NRG3: variants seen among roughly 807,000 people sequenced by gnomAD.
NRG3 encodes the protein neuregulin 3.
A neutral mutation model predicts 66.9 loss-of-function variants in NRG3; 31 were observed. The observed-to-expected ratio is 0.46, with a 90% CI of 0.35 to 0.63. NRG3 has a LOEUF of 0.63. NRG3 is among the 20% of genes least tolerant of loss of function. NRG3 has a pLI of 0.00. For missense variants in NRG3, 910 were observed against 878.9 expected, an observed-to-expected ratio of 1.04 and a Z score of -0.45; for synonymous variants, 393 against 359.4, an observed-to-expected ratio of 1.09 and a Z score of -1.06.
intron 1 of NRG3, among the ~76,000 whole-genome samples, chr10:81,963,151 T>TTTTTTTTTTTG (rs745834169): frequency 1.5e-5 from 2 of 135,452 alleles, no homozygotes; most frequent in African/African-American, 2.8e-5. Context: ...TTTTTTTTTT[T>TTTTTTTTTTTG]GAGACGGAGT....
At position 81,982,827 on chromosome 10, in the gene NRG3, G is replaced by C. The variant is rs2060381383; in HGVS notation, c.823+106664G>C. ...AAATACAGTCACATTCTGAGATTCTGGGAGTTAGCGTTTCAACATATGATT... is the reference window on the plus strand; with the variant it reads ...AAATACAGTCACATTCTGAGATTCTCGGAGTTAGCGTTTCAACATATGATT... On this transcript the variant is annotated intron_variant, in intron 1 of 8. Coordinates refer to ENST00000372141, the MANE Select transcript of NRG3 (RefSeq NM_001010848.4). 2.0e-5 allele frequency among the ~76,000 whole-genome samples: 3 copies of C among 152,144 alleles called. No homozygotes were observed. The South Asian group carries it at 6.2e-4, about 31-fold the overall frequency.
At chr10:82,371,691 T>A (rs2084906503) in intron 2 of NRG3, among the ~76,000 whole-genome samples, 1 of 152,170 alleles carries the variant, frequency 6.6e-6, no homozygotes, top group Non-Finnish European at 1.5e-5. Flanking sequence ...ATGATTCTGA[T>A]AGTTGGGAGG....
chr10:82,648,557 C>G lies in NRG3; in HGVS notation c.954-90020C>G, dbSNP rs1251214809. 2.6e-5 allele frequency among the ~76,000 whole-genome samples: 4 copies of G among 152,188 alleles called. No homozygotes were observed. In the East Asian group the frequency reaches 7.7e-4, roughly 29 times the overall value. ...ATTCTGTGAAGAAAGTCATTGGTAGCTTGATGGGGATGGCATTGAAGCTAT... is the reference window on the plus strand; with the variant it reads ...ATTCTGTGAAGAAAGTCATTGGTAGGTTGATGGGGATGGCATTGAAGCTAT... On this transcript the variant is annotated intron_variant, in intron 2 of 8. Coordinates refer to ENST00000372141, the MANE Select transcript of NRG3 (RefSeq NM_001010848.4).
intron 1 of NRG3, among the ~76,000 whole-genome samples, chr10:82,292,463 A>G (rs2134623121): frequency 2.0e-5 from 3 of 152,334 alleles, no homozygotes; most frequent in African/African-American, 7.2e-5. Flanking sequence ...ATATCATATG[A>G]CACAGTACTT....
chr10:82,611,857 A>T (rs969601971), intron 2 of NRG3, among the ~76,000 whole-genome samples: 1 of 152,168 alleles, frequency 6.6e-6, no homozygotes, highest in African/African-American at 2.4e-5. Context: ...GTCTTCCACC[A>T]TGGTTGAACT....
chr10:82,440,241 T>A (rs897879518), intron 2 of NRG3, among the ~76,000 whole-genome samples: 4 of 152,094 alleles, frequency 2.6e-5, no homozygotes, highest in Admixed American at 1.3e-4. Context: ...TGCCCATATT[T>A]TTTGAAATTT....
chr10:82,303,331 G>T (rs921008008), intron 1 of NRG3, among the ~76,000 whole-genome samples: 1 of 97,102 alleles, frequency 1.0e-5, no homozygotes, highest in African/African-American at 7.9e-5. Context: ...TACTGTGCGT[G>T]TATAAACACA....
intron 1 of NRG3, among the ~76,000 whole-genome samples, chr10:82,177,844 G>A (rs2073145695): frequency 1.3e-5 from 2 of 152,090 alleles, no homozygotes; most frequent in Non-Finnish European, 2.9e-5. Context: ...AAATTAGAAA[G>A]AAATTAAAAA....
At chr10:82,889,675 A>G (rs1842986248) in intron 4 of NRG3, among the ~76,000 whole-genome samples, 2 of 152,206 alleles carry the variant, frequency 1.3e-5, no homozygotes, top group African/African-American at 2.4e-5. Context: ...TCCAGAAGAA[A>G]CAAAGAAACA....
chr10:82,574,358 G>A (rs1296036098), intron 2 of NRG3, among the ~76,000 whole-genome samples: 1 of 151,782 alleles, frequency 6.6e-6, no homozygotes, highest in Non-Finnish European at 1.5e-5. Context: ...AGGTAGAGTA[G>A]AATGATGGTT....
chr10:82,685,644 T>C (rs911024757), intron 2 of NRG3, among the ~76,000 whole-genome samples: 1 of 152,236 alleles, frequency 6.6e-6, no homozygotes, highest in Non-Finnish European at 1.5e-5. Context: ...CATTTTTACT[T>C]TATAAACTTG....
chr10:82,166,311 G>A (rs2072057814), intron 1 of NRG3, among the ~76,000 whole-genome samples: 1 of 152,162 alleles, frequency 6.6e-6, no homozygotes, highest in African/African-American at 2.4e-5. Context: ...GAGCCACCAG[G>A]TCCGGCCTGA....
At chr10:82,654,012 G>C (rs1202003238) in intron 2 of NRG3, among the ~76,000 whole-genome samples, 2 of 152,282 alleles carry the variant, frequency 1.3e-5, no homozygotes, top group South Asian at 2.1e-4. Flanking sequence ...TAGCTGAAAA[G>C]TAAGCTGCAC....
At chr10:82,353,154 G>A (rs2083539748) in intron 1 of NRG3, among the ~76,000 whole-genome samples, 1 of 152,152 alleles carries the variant, frequency 6.6e-6, no homozygotes, top group African/African-American at 2.4e-5. Flanking sequence ...GTGCTAAAGT[G>A]CAAGTTTCTT....
At chr10:81,944,945 T>C (rs1848718642) in intron 1 of NRG3, among the ~76,000 whole-genome samples, 1 of 152,072 alleles carries the variant, frequency 6.6e-6, no homozygotes, top group African/African-American at 2.4e-5. Flanking sequence ...CAACCACCAC[T>C]TCCCAGCACC....
intron 1 of NRG3, among the ~76,000 whole-genome samples, chr10:82,220,537 G>A (rs763965678): frequency 2.0e-5 from 3 of 152,040 alleles, no homozygotes; most frequent in Non-Finnish European, 4.4e-5. Context: ...GAGGTTTGGG[G>A]GCAGGCATTT....
At chr10:82,809,693 C>T (rs1370052038) in intron 3 of NRG3, among the ~76,000 whole-genome samples, 2 of 152,026 alleles carry the variant, frequency 1.3e-5, no homozygotes, top group African/African-American at 2.4e-5. Flanking sequence ...GTGTTTCAAC[C>T]TCATTTCTTG....
At chr10:82,506,064 G>A (rs570879982) in intron 2 of NRG3, among the ~76,000 whole-genome samples, 3 of 152,132 alleles carry the variant, frequency 2.0e-5, no homozygotes, top group Non-Finnish European at 4.4e-5. Context: ...TGGCTAACAC[G>A]GAAAAACCCC....
chr10:82,054,534 A>G (rs566007987), intron 1 of NRG3, among the ~76,000 whole-genome samples: 1 of 152,218 alleles, frequency 6.6e-6, no homozygotes, highest in East Asian at 1.9e-4. Flanking sequence ...TGACTTTTAG[A>G]TATTTAAGTT....
Sources: allele counts gnomAD v4.1 joint callset (sites outside exome capture counted in the v4.1 genomes callset), GRCh38; gene constraint gnomAD v4.1.1; transcripts MANE v1.5; gene names NCBI Gene and HGNC (gene_info 2026-07-23, HGNC 2026-07-21).